ZNF521: variants seen among roughly 807,000 people sequenced by gnomAD.
The protein encoded by ZNF521 is LYST-interacting protein 3.
Under a neutral mutation model 105.5 loss-of-function variants are expected in ZNF521, and 14 were observed. The ratio of observed to expected loss-of-function variants is 0.13; its 90% confidence interval spans 0.09 to 0.21. ZNF521 has a LOEUF of 0.21. Among genes scored for constraint, ZNF521 ranks in the 10% least tolerant of loss-of-function variants. The pLI is 1.00. For missense variants in ZNF521, 1,233 were observed against 1,629.7 expected, an observed-to-expected ratio of 0.76 and a Z score of 4.19; for synonymous variants, 635 against 606.0, an observed-to-expected ratio of 1.05 and a Z score of -0.70.
intron 4 of ZNF521, among the ~76,000 whole-genome samples, chr18:25,198,384 A>G (rs998447894): frequency 3.9e-5 from 6 of 151,914 alleles, no homozygotes; most frequent in Non-Finnish European, 5.9e-5. Flanking sequence ...ATGATTAGAG[A>G]TGCTTAATAA....
Position 25,227,827 on chromosome 18 carries a change from G to T in ZNF521, c.221-130C>A. 1 of 724,612 alleles carries T rather than the reference G, an allele frequency of 1.4e-6. No individual in the cohort carries two copies. 44.9% of individuals were successfully genotyped at this position (724,612 alleles called of 1,614,324 possible). A position where few individuals can be genotyped will look rare whatever the true frequency, so the allele number is the denominator to read the frequency against. On this transcript the variant is annotated intron_variant, in intron 3 of 7. Coordinates refer to ENST00000361524, the MANE Select transcript of ZNF521 (RefSeq NM_015461.3). The surrounding 1 kb of genome is among the most constrained non-coding windows in gnomAD (Gnocchi z 5.7). ...TTCAAGAAAAAACAAAATGAAAAGA[G>T]AGAATATTTGAGTGAGACATTTTCA... is the stretch of plus-strand genomic sequence containing the variant.
At chr18:25,238,955 C>A (rs1907117790) in intron 3 of ZNF521, among the ~76,000 whole-genome samples, 1 of 152,134 alleles carries the variant, frequency 6.6e-6, no homozygotes, top group African/African-American at 2.4e-5. Flanking sequence ...AGAATCTTTT[C>A]TTTCCCCTGA....
chr18:25,197,202 T>C (rs2035917013), intron 4 of ZNF521, among the ~76,000 whole-genome samples: 1 of 151,868 alleles, frequency 6.6e-6, no homozygotes, highest in Non-Finnish European at 1.5e-5. Context: ...TAAAACAGTG[T>C]CTAAAATACT....
intron 5 of ZNF521, among the ~76,000 whole-genome samples, chr18:25,128,354 ACAT>A (rs774138659): frequency 6.6e-5 from 10 of 151,992 alleles, no homozygotes; most frequent in Non-Finnish European, 1.2e-4. Flanking sequence ...TCTATAACTA[ACAT>A]CATACCAGTG....
At chr18:25,086,437 T>C (rs2033624547) in intron 7 of ZNF521, among the ~76,000 whole-genome samples, 2 of 152,138 alleles carry the variant, frequency 1.3e-5, no homozygotes, top group African/African-American at 4.8e-5. Flanking sequence ...AAAAACACTT[T>C]CAAAACTAGA....
At chr18:25,072,329 C>T (rs1327877255) in intron 7 of ZNF521, among the ~76,000 whole-genome samples, 1 of 152,208 alleles carries the variant, frequency 6.6e-6, no homozygotes, top group Non-Finnish European at 1.5e-5. Flanking sequence ...AGTCCACCAG[C>T]TTCCAAAGGA....
At chr18:25,094,553 CTT>C (rs1167944099) in intron 5 of ZNF521, among the ~76,000 whole-genome samples, 1 of 151,986 alleles carries the variant, frequency 6.6e-6, no homozygotes, top group Non-Finnish European at 1.5e-5. Context: ...TTTCAGAACT[CTT>C]TTTACAGCTT....
intron 3 of ZNF521, among the ~76,000 whole-genome samples, chr18:25,233,296 A>T (rs1294807882): frequency 6.6e-6 from 1 of 152,178 alleles, no homozygotes; most frequent in Non-Finnish European, 1.5e-5. Flanking sequence ...AAATGTCAAC[A>T]GTTTTAGAAA....
chr18:25,211,139 A>G (rs919421874), intron 4 of ZNF521, among the ~76,000 whole-genome samples: 11 of 152,248 alleles, frequency 7.2e-5, no homozygotes, highest in African/African-American at 2.4e-4. Flanking sequence ...AGATGCTAAT[A>G]TGTCTTTAAT....
intron 4 of ZNF521, 24 bp downstream of exon 4, chr18:25,224,321 C>A (rs753512897): frequency 6.3e-7 from 1 of 1,585,422 alleles, no homozygotes; most frequent in East Asian, 2.2e-5. Context: ...GGTTAAATAG[C>A]AAACATTAAA....
At chr18:25,222,814 T>C (rs1905820041) in intron 4 of ZNF521, among the ~76,000 whole-genome samples, 1 of 152,200 alleles carries the variant, frequency 6.6e-6, no homozygotes, top group Admixed American at 6.5e-5. Context: ...TTAATTTCCT[T>C]TTTTAATTTA....
chr18:25,220,023 A>G (rs529442022), intron 4 of ZNF521, among the ~76,000 whole-genome samples: 1 of 152,256 alleles, frequency 6.6e-6, no homozygotes, highest in East Asian at 1.9e-4. Context: ...GCGGTCAGTA[A>G]AAGGTGGTCG....
Position 25,174,764 on chromosome 18 carries a change from C to T in ZNF521, c.3658+20396G>A, listed in dbSNP as rs909469013. Reference sequence around the variant, plus strand: ...ACTATAAACAACATCTTTCACTGCTCTGACCCCCATGCAAATTTAAATCCC... The same window carrying T: ...ACTATAAACAACATCTTTCACTGCTTTGACCCCCATGCAAATTTAAATCCC... On this transcript the variant is annotated intron_variant, in intron 5 of 7. Transcript: ENST00000361524. Among the ~76,000 whole-genome samples, 3 of 152,188 alleles carry T rather than the reference C, an allele frequency of 2.0e-5. No homozygotes were observed. The East Asian group carries it at 5.8e-4, about 29-fold the overall frequency.
At chr18:25,074,060 G>GCA (rs2033294688) in intron 7 of ZNF521, among the ~76,000 whole-genome samples, 1 of 151,570 alleles carries the variant, frequency 6.6e-6, no homozygotes, top group Non-Finnish European at 1.5e-5. Flanking sequence ...GCACATGTGT[G>GCA]CGCACGCGTG....
At chr18:25,097,699 A>T (rs573128541) in intron 5 of ZNF521, among the ~76,000 whole-genome samples, 1 of 152,228 alleles carries the variant, frequency 6.6e-6, no homozygotes, top group Middle Eastern at 3.4e-3. Flanking sequence ...AAAGTGCCTA[A>T]CCCTTAGGTA....
intron 3 of ZNF521, among the ~76,000 whole-genome samples, chr18:25,309,445 G>A (rs1045282713): frequency 3.1e-4 from 47 of 152,276 alleles, no homozygotes; most frequent in African/African-American, 1.1e-3. Flanking sequence ...GAGAGGGGCA[G>A]AAAAGTGTAG....
At chr18:25,322,418 C>T in intron 2 of ZNF521, 2 of 597,046 alleles carry the variant, frequency 3.3e-6, no homozygotes, top group Non-Finnish European at 6.1e-6. Flanking sequence ...CCCTTTTCCT[C>T]TCTCTCCCAT....
intron 2 of ZNF521, among the ~76,000 whole-genome samples, chr18:25,333,297 A>ACT (rs1432952000): frequency 3.3e-4 from 4 of 12,306 alleles, no homozygotes; most frequent in Admixed American, 2.3e-3. Context: ...TAATAAGGAC[A>ACT]CACTCTCTCT....
In ZNF521 at chr18:25,153,731, C is replaced by T. The variant is rs117702775; in HGVS notation, c.3658+41429G>A. 1.8e-3 allele frequency among the ~76,000 whole-genome samples: 276 copies of T among 152,314 alleles called. 7 individuals are homozygous for T. In the East Asian group the frequency reaches 0.047, roughly 26 times the overall value. ...CTCAGACTCTAACAGGCAGATGGAT[C>T]GTCTAACACTTCAAAGGCTTTAGCA... On this transcript the variant is annotated intron_variant, in intron 5 of 7. Coordinates refer to ENST00000361524, the MANE Select transcript of ZNF521 (RefSeq NM_015461.3).
Sources: allele counts gnomAD v4.1 joint callset (sites outside exome capture counted in the v4.1 genomes callset), GRCh38; gene constraint gnomAD v4.1.1; non-coding constraint Gnocchi (gnomAD v3.1); transcripts MANE v1.5; gene names NCBI Gene and HGNC (gene_info 2026-07-23, HGNC 2026-07-21).